Variants in CCDC178 observed in about 807,000 individuals in gnomAD.
CCDC178 encodes coiled-coil domain containing 178.
CCDC178 carries 126 observed loss-of-function variants against 117.4 expected under a neutral mutation model. That is an observed-to-expected ratio of 1.07 (90% confidence interval 0.93 to 1.24). CCDC178 has a LOEUF of 1.24. CCDC178 is among the 50% of genes most tolerant of loss of function. The pLI, the probability that CCDC178 is intolerant of heterozygous loss-of-function variation, is 0.00. For missense variants in CCDC178, 1,030 were observed against 986.9 expected (o/e 1.04, Z -0.59); for synonymous variants, 283 against 313.4 (o/e 0.90, Z 1.02).
intron 18 of CCDC178, among the ~76,000 whole-genome samples, chr18:33,219,271 AAAC>A (rs2059203448): frequency 6.6e-6 from 1 of 152,094 alleles, no homozygotes; most frequent in Admixed American, 6.6e-5. Flanking sequence ...AAAAGTCAGG[AAAC>A]AACAGGTGCT....
rs28798172 is a variant in CCDC178, at chr18:33,164,662, G to T, written c.2238+47234C>A. On this transcript the variant is annotated intron_variant, in intron 20 of 22. Transcript: ENST00000383096. ...CATTTTTCAAATTTCTTTAATATCT[G>T]GGTTAATTAAAAAAGAGATGGATTC... 7.9e-3 allele frequency among the ~76,000 whole-genome samples: 1,197 copies of T among 151,306 alleles called. 13 individuals are homozygous for T. The highest frequency in any genetic ancestry group is 0.027 in the African/African-American group (1,115 of 41,292).
At chr18:33,373,634 A>G (rs1263746370) in intron 5 of CCDC178, among the ~76,000 whole-genome samples, 1 of 152,102 alleles carries the variant, frequency 6.6e-6, no homozygotes, top group Non-Finnish European at 1.5e-5. Context: ...AGCACTTTTC[A>G]TTTCTCTTTA....
chr18:33,163,196 G>A (rs1555653242), intron 20 of CCDC178, among the ~76,000 whole-genome samples: 2 of 151,962 alleles, frequency 1.3e-5, no homozygotes, highest in Non-Finnish European at 2.9e-5. Flanking sequence ...GATATTGAGC[G>A]TTTTTTTCAT....
intron 6 of CCDC178, among the ~76,000 whole-genome samples, chr18:33,369,194 A>G (rs1406102972): frequency 1.3e-5 from 2 of 152,000 alleles, no homozygotes; most frequent in African/African-American, 2.4e-5. Context: ...AGTAACAGTG[A>G]CAAATATATA....
At chr18:33,437,461 G>C (rs2064307861) in intron 2 of CCDC178, among the ~76,000 whole-genome samples, 1 of 152,072 alleles carries the variant, frequency 6.6e-6, no homozygotes, top group African/African-American at 2.4e-5. Flanking sequence ...CAGTTCATTG[G>C]TTTGTGGTTA....
At chr18:32,970,496 C>T (rs567811573) in intron 22 of CCDC178, among the ~76,000 whole-genome samples, 1 of 151,780 alleles carries the variant, frequency 6.6e-6, no homozygotes, top group Admixed American at 6.6e-5. Context: ...CCCCTGACAT[C>T]GGCACTTAAA....
At chr18:33,245,846 T>C (rs893072313) in intron 14 of CCDC178, among the ~76,000 whole-genome samples, 1 of 151,930 alleles carries the variant, frequency 6.6e-6, no homozygotes, top group African/African-American at 2.4e-5. Context: ...TTCGATATTA[T>C]TAACATTTGT....
intron 20 of CCDC178, among the ~76,000 whole-genome samples, chr18:33,190,049 G>T (rs1394126785): frequency 6.6e-6 from 1 of 152,088 alleles, no homozygotes; most frequent in Non-Finnish European, 1.5e-5. Flanking sequence ...ACCAACCAGT[G>T]CTTGGCTGTG....
intron 20 of CCDC178, among the ~76,000 whole-genome samples, chr18:33,104,095 A>C (rs1412111778): frequency 6.6e-6 from 1 of 151,766 alleles, no homozygotes; most frequent in East Asian, 1.9e-4. Flanking sequence ...AAATAAATGA[A>C]GAGTTAATAT....
intron 21 of CCDC178, among the ~76,000 whole-genome samples, chr18:33,046,756 G>T (rs1369622104): frequency 4.6e-5 from 7 of 152,068 alleles, no homozygotes; most frequent in Non-Finnish European, 8.8e-5. Flanking sequence ...TCTAGGCAGG[G>T]GAGCGAGTCA....
At chr18:33,370,353 A>C (rs2063280929) in intron 5 of CCDC178, among the ~76,000 whole-genome samples, 164 bp from the exon 6 acceptor site, 1 of 152,010 alleles carries the variant, frequency 6.6e-6, no homozygotes, top group African/African-American at 2.4e-5. Context: ...AATCTTTAAA[A>C]AACGTACAAG....
At position 33,267,046 on chromosome 18, in the gene CCDC178, T is replaced by C. The variant is rs751920316; in HGVS notation, c.1279A>G (p.Thr427Ala). 1.9e-6 allele frequency: 3 copies of C among 1,580,196 alleles called. No individual in the cohort carries two copies. The highest frequency in any genetic ancestry group is 3.4e-4 in the Middle Eastern group (2 of 5,858). The change falls in exon 14 of 23, where the codon ACA becomes GCA. Residue 427 changes from threonine to alanine, a missense_variant. By Grantham distance (58) the Thr-to-Ala change is moderately conservative. Coordinates refer to ENST00000383096, the MANE Select transcript of CCDC178 (RefSeq NM_001105528.4). Reference protein sequence around the residue: ...AVNDFYAAKKTWDIELSDVAK... With the variant: ...AVNDFYAAKKAWDIELSDVAK... The stretch of plus-strand genomic sequence containing the variant: ...ACATCAGAAAGCTCAATATCCCATG[T>C]TTTTTTCTTTAAGAAAAGAATAAAA...
intron 12 of CCDC178, among the ~76,000 whole-genome samples, chr18:33,272,332 A>T (rs776337914): frequency 2.6e-5 from 4 of 151,566 alleles, no homozygotes; most frequent in Non-Finnish European, 5.9e-5. Flanking sequence ...AAAATACACC[A>T]CCTAACAAAA....
chr18:33,344,498 C>T (rs1230528561), intron 9 of CCDC178, among the ~76,000 whole-genome samples: 2 of 151,910 alleles, frequency 1.3e-5, no homozygotes, highest in African/African-American at 2.4e-5. Context: ...TAGTTCAAAA[C>T]GTATTTATTA....
At chr18:33,223,303 T>A in intron 17 of CCDC178, 84 bp from the exon 18 acceptor site, 1 of 1,361,334 alleles carries the variant, frequency 7.3e-7, no homozygotes, top group Non-Finnish European at 9.6e-7. Context: ...AAGTGACTAT[T>A]TTAATAACAA....
At chr18:33,184,257 G>GA (rs1474429253) in intron 20 of CCDC178, among the ~76,000 whole-genome samples, 1 of 151,808 alleles carries the variant, frequency 6.6e-6, no homozygotes, top group East Asian at 1.9e-4. Context: ...ATATTTGTTT[G>GA]AAAAAAATAC....
chr18:33,049,265 T>C (rs2056700463), intron 21 of CCDC178, among the ~76,000 whole-genome samples: 1 of 152,126 alleles, frequency 6.6e-6, no homozygotes, highest in East Asian at 1.9e-4. Context: ...TGAGAAACTA[T>C]AATAACTTAT....
intron 20 of CCDC178, among the ~76,000 whole-genome samples, chr18:33,198,759 C>T (rs558876902): frequency 2.0e-5 from 3 of 152,206 alleles, no homozygotes; most frequent in East Asian, 3.9e-4. Context: ...CCCAGTAACT[C>T]GCTTTCTCTC....
chr18:33,406,013 G>T (rs1599280738), intron 3 of CCDC178, among the ~76,000 whole-genome samples: 1 of 152,048 alleles, frequency 6.6e-6, no homozygotes, highest in East Asian at 1.9e-4. Flanking sequence ...GCAAAGGCAA[G>T]AAAAGCTTCC....
Sources: gnomAD v4.1 joint callset for allele counts (sites outside exome capture counted in the v4.1 genomes callset) on GRCh38, gnomAD v4.1.1 for gene constraint, MANE v1.5 for transcripts, NCBI Gene and HGNC (gene_info 2026-07-23, HGNC 2026-07-21) for gene names.